The following TRAPPC9 variants were observed in gnomAD, a reference collection of about 807,000 sequenced individuals.
TRAPPC9 encodes the protein trafficking protein particle complex subunit 9.
Under a neutral mutation model 124.0 loss-of-function variants are expected in TRAPPC9, and 83 were observed. The observed-to-expected ratio is 0.67, with a 90% confidence interval of 0.56 to 0.80. The LOEUF (loss-of-function observed/expected upper bound fraction) is 0.80, where lower values mean the gene tolerates loss of function less well. Among genes scored for constraint, TRAPPC9 ranks in the 30% least tolerant of loss-of-function variants. The pLI is 0.00. For missense variants in TRAPPC9, 1,302 were observed against 1,508.3 expected (o/e 0.86, Z 2.27); for synonymous variants, 638 against 617.5 (o/e 1.03, Z -0.49).
Position 139,788,957 on chromosome 8 carries a change from CA to C in TRAPPC9, c.3056-56756del, listed in dbSNP as rs1563813675. Among the ~76,000 whole-genome samples, 1 of 152,172 alleles carries C rather than the reference CA, an allele frequency of 6.6e-6. No homozygotes were observed. Among genetic ancestry groups the C allele is most frequent in the African/African-American group, 2.4e-5 (1 of 41,434 alleles). The stretch of plus-strand genomic sequence containing the variant: ...GGGGAGCATTTTGTTTTGAAAAAGC[CA>C]AAAACAAAACACTGAATTCTTTCTG... On this transcript the variant is annotated intron_variant, in intron 21 of 22. Coordinates refer to ENST00000438773, the MANE Select transcript of TRAPPC9 (RefSeq NM_001160372.4). The surrounding 1 kb of genome is among the most constrained non-coding windows in gnomAD (Gnocchi z 4.9).
intron 13 of TRAPPC9, 63 bp from the exon 14 acceptor site, chr8:140,284,084 G>T (rs1189901050): frequency 8.1e-6 from 13 of 1,604,734 alleles, no homozygotes; most frequent in Admixed American, 5.0e-5. Flanking sequence ...GCCCACGGCT[G>T]AAGCAGTGCG....
chr8:140,450,342 C>A (rs1300854692), intron 2 of TRAPPC9, among the ~76,000 whole-genome samples: 2 of 152,116 alleles, frequency 1.3e-5, no homozygotes, highest in Non-Finnish European at 2.9e-5. Flanking sequence ...GCCTGAGAGA[C>A]AGAGTAAGAC....
At chr8:140,211,517 C>T (rs780504610) in intron 17 of TRAPPC9, among the ~76,000 whole-genome samples, 15 of 152,150 alleles carry the variant, frequency 9.9e-5, no homozygotes, top group Non-Finnish European at 2.1e-4. Context: ...TGTGATCACA[C>T]CACTGCATTC....
intron 17 of TRAPPC9, among the ~76,000 whole-genome samples, chr8:140,114,671 G>C (rs1176677956): frequency 1.3e-5 from 2 of 152,228 alleles, no homozygotes; most frequent in Non-Finnish European, 2.9e-5. Context: ...AAGGAGGAAA[G>C]AGGTGAAGTG....
rs1563791928 is a variant in TRAPPC9 at position 139,758,651 on chromosome 8, G to A, written c.3056-26449C>T. 2.0e-5 allele frequency among the ~76,000 whole-genome samples: 3 copies of A among 152,230 alleles called. No homozygotes were observed. The South Asian group carries it at 6.2e-4, about 31-fold the overall frequency. ...TGAAGGAGGGGTTGCCCCAGGGCAG[G>A]AGGACCTGTGCCACGAAGGCAGGGG... is the stretch of plus-strand genomic sequence containing the variant. On this transcript the variant is annotated intron_variant, in intron 21 of 22. Coordinates refer to ENST00000438773, the MANE Select transcript of TRAPPC9 (RefSeq NM_001160372.4).
chr8:139,988,166 T>C (rs1204505988), intron 19 of TRAPPC9, among the ~76,000 whole-genome samples: 2 of 141,812 alleles, frequency 1.4e-5, no homozygotes, highest in Non-Finnish European at 3.0e-5. Context: ...TGGAGTACGG[T>C]GGTACGATCG....
intron 9 of TRAPPC9, among the ~76,000 whole-genome samples, chr8:140,313,692 C>T (rs2066368671): frequency 6.6e-6 from 1 of 152,068 alleles, no homozygotes; most frequent in Non-Finnish European, 1.5e-5. Flanking sequence ...CTGCTGACTC[C>T]CTGAAGGGAG....
intron 12 of TRAPPC9, among the ~76,000 whole-genome samples, chr8:140,289,678 T>C (rs945303410): frequency 1.9e-5 from 2 of 107,640 alleles, no homozygotes; most frequent in Non-Finnish European, 4.0e-5. Flanking sequence ...AGCTACATTT[T>C]AAGACCAAAA....
intron 17 of TRAPPC9, among the ~76,000 whole-genome samples, chr8:140,124,384 T>C (rs1275125383): frequency 2.0e-5 from 3 of 152,140 alleles, no homozygotes; most frequent in South Asian, 2.1e-4. Flanking sequence ...TGCCCAGCCC[T>C]ACCTCCCTCT....
intron 17 of TRAPPC9, among the ~76,000 whole-genome samples, chr8:140,031,618 G>A (rs1285215940): frequency 6.6e-6 from 1 of 152,196 alleles, no homozygotes; most frequent in African/African-American, 2.4e-5. Context: ...TTCCCCAAGA[G>A]ACCAGCACAA....
chr8:140,167,462 G>A (rs970307046), intron 17 of TRAPPC9, among the ~76,000 whole-genome samples: 1 of 152,242 alleles, frequency 6.6e-6, no homozygotes, highest in East Asian at 1.9e-4. Flanking sequence ...AACAGTCCTC[G>A]GAAAGCCATC....
chr8:139,949,137 C>A (rs1344521302), intron 19 of TRAPPC9, among the ~76,000 whole-genome samples: 1 of 151,694 alleles, frequency 6.6e-6, no homozygotes, highest in African/African-American at 2.4e-5. Flanking sequence ...TGAGAATGAT[C>A]ACAGGAGAAA....
At chr8:140,301,392 C>G (rs1187120191) in intron 10 of TRAPPC9, among the ~76,000 whole-genome samples, 3 of 152,212 alleles carry the variant, frequency 2.0e-5, no homozygotes, top group East Asian at 1.9e-4. Context: ...ATCACAAACA[C>G]CTTCTTAGTT....
intron 17 of TRAPPC9, among the ~76,000 whole-genome samples, chr8:140,051,947 A>G (rs1237275542): frequency 2.0e-5 from 3 of 151,924 alleles, no homozygotes; most frequent in African/African-American, 7.2e-5. Context: ...GCAGGGTAAT[A>G]GACCCATGAA....
intron 19 of TRAPPC9, among the ~76,000 whole-genome samples, chr8:139,944,528 T>C (rs960386651): frequency 6.6e-6 from 1 of 152,078 alleles, no homozygotes; most frequent in African/African-American, 2.4e-5. Flanking sequence ...AAATAGACCA[T>C]GAAAATTAAG....
intron 9 of TRAPPC9, among the ~76,000 whole-genome samples, chr8:140,313,784 A>C (rs996589466): frequency 2.0e-5 from 3 of 152,126 alleles, no homozygotes; most frequent in Non-Finnish European, 4.4e-5. Flanking sequence ...TATGTAATCA[A>C]TTGTAAATGA....
At chr8:140,116,862 C>T (rs1457556780) in intron 17 of TRAPPC9, among the ~76,000 whole-genome samples, 1 of 133,410 alleles carries the variant, frequency 7.5e-6, no homozygotes, top group Admixed American at 7.1e-5. Flanking sequence ...AGTAAGTAGG[C>T]GGAGTTCAGT....
chr8:139,948,484 C>T (rs1323048287), intron 19 of TRAPPC9, among the ~76,000 whole-genome samples: 1 of 152,180 alleles, frequency 6.6e-6, no homozygotes, highest in Non-Finnish European at 1.5e-5. Context: ...ATCAAGGAAG[C>T]CAATGTGGCT....
chr8:139,754,336 C>G (rs1315950985), intron 21 of TRAPPC9, among the ~76,000 whole-genome samples: 2 of 152,236 alleles, frequency 1.3e-5, no homozygotes, highest in Admixed American at 1.3e-4. Flanking sequence ...CAGTTTGTAT[C>G]ACCTGGGGCT....
Sources: gnomAD v4.1 joint callset for allele counts (sites outside exome capture counted in the v4.1 genomes callset) on GRCh38, gnomAD v4.1.1 for gene constraint, Gnocchi (gnomAD v3.1) non-coding constraint, MANE v1.5 for transcripts, NCBI Gene and HGNC (gene_info 2026-07-23, HGNC 2026-07-21) for gene names.